Variants in LIPA observed in about 807,000 individuals in gnomAD.
The protein encoded by LIPA is lysosomal acid lipase/cholesteryl ester hydrolase.
LIPA carries 26 observed loss-of-function variants against 40.6 expected under a neutral mutation model. That is an observed-to-expected ratio of 0.64 (90% confidence interval 0.47 to 0.89). The LOEUF is 0.89. Ranked by LOEUF, LIPA falls within the 40% of genes least tolerant of loss-of-function variation. The pLI is 0.00. For missense variants in LIPA, 455 were observed against 479.6 expected (o/e 0.95, Z 0.48); for synonymous variants, 188 against 168.4 (o/e 1.12, Z -0.90).
intron 3 of LIPA, among the ~76,000 whole-genome samples, chr10:89,235,176 C>T (rs747305100): frequency 6.6e-6 from 1 of 152,246 alleles, no homozygotes; most frequent in Non-Finnish European, 1.5e-5. Flanking sequence ...GAGGGGCACC[C>T]ACTCAGCCTC....
In LIPA at chr10:89,357,050, G is replaced by T. The variant is rs569957284; in HGVS notation, c.61+55741C>A. On this transcript the variant is annotated intron_variant, in intron 2 of 8. Transcript: ENST00000371837. ...ACCAGCCCACATAATGAACTATCTA[G>T]GGGCCCCCAGTAGTGTGACTTCATT... Among the ~76,000 whole-genome samples, 66 of 152,226 alleles carry T rather than the reference G, an allele frequency of 4.3e-4. 1 individual carries two copies. The South Asian group carries it at 0.014, about 32-fold the overall frequency.
chr10:89,270,234 G>A (rs1383316001), intron 1 of LIPA, among the ~76,000 whole-genome samples: 4 of 152,134 alleles, frequency 2.6e-5, no homozygotes, highest in African/African-American at 9.7e-5. Flanking sequence ...CACCAGTCAG[G>A]GCCAGAAATC....
chr10:89,394,483 G>A (rs929625633), intron 2 of LIPA, among the ~76,000 whole-genome samples: 1 of 151,236 alleles, frequency 6.6e-6, no homozygotes, highest in South Asian at 2.1e-4. Flanking sequence ...CCCAAAGGGT[G>A]TCAGTGGGGG....
intron 1 of LIPA, among the ~76,000 whole-genome samples, chr10:89,262,219 T>A (rs1390870700): frequency 6.6e-6 from 1 of 151,860 alleles, no homozygotes; most frequent in Non-Finnish European, 1.5e-5. Flanking sequence ...ACAAATGGAC[T>A]GAACGTTCCA....
chr10:89,347,686 T>G (rs1293282104), upstream of LIPA, among the ~76,000 whole-genome samples: 1 of 152,202 alleles, frequency 6.6e-6, no homozygotes, highest in Admixed American at 6.5e-5. Context: ...TTAGCCAGCT[T>G]AAACAAATCT....
chr10:89,225,766 G>A (rs1564753948), intron 5 of LIPA, among the ~76,000 whole-genome samples: 1 of 152,164 alleles, frequency 6.6e-6, no homozygotes, highest in Admixed American at 6.5e-5. Context: ...CCCATGTGTT[G>A]TGGGAGGGAC....
At chr10:89,340,075 G>T (rs750097286) in intron 1 of LIPA, 1 of 1,612,996 alleles carries the variant, frequency 6.2e-7, no homozygotes, top group Non-Finnish European at 8.5e-7. Context: ...GGGCCAGGGC[G>T]CAGTCAGCTC....
At chr10:89,401,556 G>C (rs404378) in intron 2 of LIPA, among the ~76,000 whole-genome samples, 1 of 152,136 alleles carries the variant, frequency 6.6e-6, no homozygotes, top group African/African-American at 2.4e-5. Context: ...TGGTAGTGAA[G>C]AGGAGTTTCG....
chr10:89,388,264 C>A (rs1473755425), intron 2 of LIPA, among the ~76,000 whole-genome samples: 1 of 152,144 alleles, frequency 6.6e-6, no homozygotes, highest in African/African-American at 2.4e-5. Context: ...TGCCACCACA[C>A]CCAGCTAATT....
intron 2 of LIPA, among the ~76,000 whole-genome samples, chr10:89,393,557 AC>A (rs1844289971): frequency 6.6e-6 from 1 of 152,192 alleles, no homozygotes; most frequent in Admixed American, 6.5e-5. Flanking sequence ...ACATGGTGAA[AC>A]CCCATCTCTA....
At chr10:89,216,294 A>G (rs545786146) in intron 8 of LIPA, among the ~76,000 whole-genome samples, 4 of 151,772 alleles carry the variant, frequency 2.6e-5, no homozygotes, top group Non-Finnish European at 5.9e-5. Context: ...TGCTCCTGCT[A>G]GCGGAACTTT....
At chr10:89,339,860 C>T (rs138605922) in intron 1 of LIPA, 5 of 1,614,062 alleles carry the variant, frequency 3.1e-6, no homozygotes, top group Non-Finnish European at 4.2e-6. Context: ...AAAGACCAAC[C>T]ACAGAATGTA....
intron 1 of LIPA, among the ~76,000 whole-genome samples, chr10:89,302,738 C>T (rs555585940): frequency 6.6e-6 from 1 of 152,254 alleles, no homozygotes; most frequent in Non-Finnish European, 1.5e-5. Flanking sequence ...TCTGTTCTCA[C>T]CTCTAACATT....
chr10:89,411,419 C>G (rs1002257828), intron 2 of LIPA, among the ~76,000 whole-genome samples: 3 of 152,212 alleles, frequency 2.0e-5, no homozygotes, highest in Non-Finnish European at 2.9e-5. Flanking sequence ...CCTTAAAATA[C>G]TTACAGAATC....
At chr10:89,336,320 A>G (rs955800900) in intron 1 of LIPA, among the ~76,000 whole-genome samples, 4 of 152,190 alleles carry the variant, frequency 2.6e-5, no homozygotes, top group African/African-American at 9.7e-5. Context: ...CAAGAAAAGG[A>G]AAAGGACTGT....
chr10:89,315,728 A>G (rs1460390281), intron 1 of LIPA, among the ~76,000 whole-genome samples: 1 of 152,222 alleles, frequency 6.6e-6, no homozygotes, highest in Non-Finnish European at 1.5e-5. Flanking sequence ...CAGAGCTTGG[A>G]AAGCTAAACA....
intron 1 of LIPA, among the ~76,000 whole-genome samples, chr10:89,300,595 G>A (rs1843439266): frequency 6.6e-6 from 1 of 152,226 alleles, no homozygotes; most frequent in East Asian, 1.9e-4. Context: ...GGGAAGCCAA[G>A]AACATAAGGA....
At chr10:89,255,625 G>A (rs1843176958), upstream of LIPA, among the ~76,000 whole-genome samples, 1 of 152,218 alleles carries the variant, frequency 6.6e-6, no homozygotes, top group Admixed American at 6.5e-5. Flanking sequence ...TGTTTATAAA[G>A]TTGAACCAAT....
chr10:89,227,926 AACGTTT>A (rs1478636690), intron 4 of LIPA, among the ~76,000 whole-genome samples: 1 of 152,220 alleles, frequency 6.6e-6, no homozygotes, highest in Non-Finnish European at 1.5e-5. Flanking sequence ...GTTATGGAAT[AACGTTT>A]ACCCAGCAGC....
Sources: allele counts gnomAD v4.1 joint callset (sites outside exome capture counted in the v4.1 genomes callset), GRCh38; gene constraint gnomAD v4.1.1; transcripts MANE v1.5; gene names NCBI Gene and HGNC (gene_info 2026-07-23, HGNC 2026-07-21).